SAMD12: variants seen among roughly 807,000 people sequenced by gnomAD.
SAMD12 encodes sterile alpha motif domain-containing protein 12.
In SAMD12, 9 loss-of-function variants were observed where a neutral mutation model predicts 15.0. The observed-to-expected ratio is 0.60, with a 90% CI of 0.36 to 1.05. The LOEUF (loss-of-function observed/expected upper bound fraction) is 1.05. Among genes scored for constraint, SAMD12 ranks in the 50% least tolerant of loss-of-function variants. The pLI is 0.01. For missense variants in SAMD12, 230 were observed against 234.2 expected (o/e 0.98, Z 0.12); for synonymous variants, 86 against 90.1 (o/e 0.96, Z 0.25).
chr8:118,460,047 A>G (rs962143709), intron 2 of SAMD12, among the ~76,000 whole-genome samples: 9 of 152,340 alleles, frequency 5.9e-5, no homozygotes, highest in African/African-American at 1.9e-4. Context: ...ACTTCCTATC[A>G]CAACTACACA....
intron 4 of SAMD12, among the ~76,000 whole-genome samples, chr8:118,295,155 A>G (rs1313641647): frequency 6.6e-6 from 1 of 152,196 alleles, no homozygotes; most frequent in African/African-American, 2.4e-5. Context: ...CCATCACAAC[A>G]TGAACTAAAA....
At chr8:118,443,503 G>A (rs192677205) in intron 2 of SAMD12, among the ~76,000 whole-genome samples, 1 of 152,082 alleles carries the variant, frequency 6.6e-6, no homozygotes, top group African/African-American at 2.4e-5. Context: ...GATGGTATGA[G>A]CCTACAAAAA....
At chr8:118,554,885 C>A (rs989027550) in intron 2 of SAMD12, among the ~76,000 whole-genome samples, 3 of 152,078 alleles carry the variant, frequency 2.0e-5, no homozygotes, top group African/African-American at 7.2e-5. Context: ...GAATTTCAGA[C>A]ACGTCAACCA....
chr8:118,367,900 A>G (rs889025846), intron 4 of SAMD12, among the ~76,000 whole-genome samples: 3 of 152,228 alleles, frequency 2.0e-5, no homozygotes, highest in Non-Finnish European at 4.4e-5. Flanking sequence ...TCATGAGTCC[A>G]TGTCAAGCCT....
chr8:118,226,713 T>A lies in SAMD12; in HGVS notation c.434-28981A>T, dbSNP rs190931309. Among the ~76,000 whole-genome samples the A allele has an allele frequency of 6.3e-4, 96 of 152,282 alleles. No homozygotes were observed. The East Asian group carries it at 9.6e-3, about 15-fold the overall frequency. On this transcript the variant is annotated intron_variant, in intron 4 of 4. Transcript: ENST00000409003. ...GTATTGTAAAGAAAAATAATTAGAA[T>A]CCAGTAAACTCTGTGTAGTAACTGA...
the SAMD12 span, among the ~76,000 whole-genome samples, chr8:118,180,831 G>A: frequency 1.9e-3 from 283 of 151,196 alleles, 2 homozygotes; most frequent in African/African-American, 6.7e-3. Flanking sequence ...AAGGTACTGG[G>A]ATTATAGGCA....
the SAMD12 span, among the ~76,000 whole-genome samples, chr8:118,143,687 C>G: frequency 6.6e-6 from 1 of 152,176 alleles, no homozygotes; most frequent in Non-Finnish European, 1.5e-5. Flanking sequence ...GGGAATTAAT[C>G]TCCAACTTTC....
chr8:118,205,068 G>A (rs1563693852), intron 4 of SAMD12, among the ~76,000 whole-genome samples: 1 of 152,174 alleles, frequency 6.6e-6, no homozygotes, highest in Non-Finnish European at 1.5e-5. Flanking sequence ...CCTAATACAA[G>A]TGGACCCCAT....
intron 1 of SAMD12, among the ~76,000 whole-genome samples, chr8:118,581,219 G>T (rs1389380328): frequency 6.6e-6 from 1 of 152,174 alleles, no homozygotes; most frequent in Non-Finnish European, 1.5e-5. Flanking sequence ...ACGCAATCAT[G>T]CAATTATTTC....
chr8:118,520,475 G>A (rs886230338), intron 2 of SAMD12, among the ~76,000 whole-genome samples: 1 of 152,152 alleles, frequency 6.6e-6, no homozygotes, highest in Non-Finnish European at 1.5e-5. Flanking sequence ...AGGATAAAGC[G>A]GGTAAAAAAG....
chr8:118,444,537 CTTT>C (rs753468369), intron 2 of SAMD12, among the ~76,000 whole-genome samples: 2 of 140,854 alleles, frequency 1.4e-5, no homozygotes, highest in Admixed American at 7.1e-5. Context: ...TTGCAAATTA[CTTT>C]TTTTTTTTTT....
At chr8:118,344,028 C>A (rs964830323) in intron 4 of SAMD12, among the ~76,000 whole-genome samples, 8 of 152,182 alleles carry the variant, frequency 5.3e-5, no homozygotes, top group Non-Finnish European at 1.0e-4. Flanking sequence ...TCCTTCCTGA[C>A]TTCCAGCTTC....
intron 3 of SAMD12, among the ~76,000 whole-genome samples, chr8:118,434,289 A>G (rs114125819): frequency 0.031 from 4,646 of 152,066 alleles, 142 homozygotes; most frequent in African/African-American, 0.078. Flanking sequence ...TTAGAAATAT[A>G]ATAAGTCAAT....
intron 4 of SAMD12, among the ~76,000 whole-genome samples, chr8:118,283,271 G>T (rs908732619): frequency 6.6e-6 from 1 of 151,988 alleles, no homozygotes; most frequent in Non-Finnish European, 1.5e-5. Context: ...TATTCCTAAC[G>T]TATTAATGGC....
At chr8:118,134,480 G>A in the SAMD12 span, among the ~76,000 whole-genome samples, 1 of 152,318 alleles carries the variant, frequency 6.6e-6, no homozygotes, top group East Asian at 1.9e-4. Context: ...GCTTAGGACA[G>A]TTGTTTTCAA....
At chr8:118,544,387 G>A (rs560989931) in intron 2 of SAMD12, among the ~76,000 whole-genome samples, 4 of 152,248 alleles carry the variant, frequency 2.6e-5, no homozygotes, top group African/African-American at 7.2e-5. Flanking sequence ...CTTGGGAAGT[G>A]GGGAAAGCAC....
chr8:118,240,262 T>A (rs1191189225), intron 4 of SAMD12, among the ~76,000 whole-genome samples: 2 of 152,122 alleles, frequency 1.3e-5, no homozygotes, highest in East Asian at 3.9e-4. Context: ...GACTGCAACG[T>A]CAAGAAAGAC....
At chr8:118,292,105 T>C (rs889224639) in intron 4 of SAMD12, among the ~76,000 whole-genome samples, 1 of 151,276 alleles carries the variant, frequency 6.6e-6, no homozygotes, top group African/African-American at 2.4e-5. Flanking sequence ...CTAAAATGCA[T>C]TCTGTGATAC....
At chr8:118,509,523 CAT>C (rs1166983721) in intron 2 of SAMD12, among the ~76,000 whole-genome samples, 1 of 152,160 alleles carries the variant, frequency 6.6e-6, no homozygotes, top group Admixed American at 6.5e-5. Context: ...CACATCCACA[CAT>C]GTTCTGTTTC....
Sources: gnomAD v4.1 joint callset for allele counts (sites outside exome capture counted in the v4.1 genomes callset) on GRCh38, gnomAD v4.1.1 for gene constraint, MANE v1.5 for transcripts, NCBI Gene and HGNC (gene_info 2026-07-23, HGNC 2026-07-21) for gene names.